ATG5: variants seen among roughly 807,000 people sequenced by gnomAD.
ATG5 encodes the protein autophagy protein 5.
A neutral mutation model predicts 36.5 loss-of-function variants in ATG5; 14 were observed. The observed-to-expected ratio is 0.38, with a 90% CI of 0.25 to 0.60. ATG5 has a LOEUF of 0.60. ATG5 is among the 20% of genes least tolerant of loss of function. The pLI is 0.60. For missense variants in ATG5, 195 were observed against 326.7 expected (o/e 0.60, Z 3.11); for synonymous variants, 95 against 101.5 (o/e 0.94, Z 0.38).
chr6:106,221,371 T>C (rs1777239763), intron 6 of ATG5, among the ~76,000 whole-genome samples: 1 of 152,072 alleles, frequency 6.6e-6, no homozygotes, highest in African/African-American at 2.4e-5. Flanking sequence ...CATCTCACAT[T>C]TAACCTAAAC....
intron 1 of ATG5, among the ~76,000 whole-genome samples, chr6:106,319,379 T>C (rs1770978970): frequency 6.6e-6 from 1 of 152,150 alleles, no homozygotes; most frequent in African/African-American, 2.4e-5. Context: ...TAATATGCAA[T>C]TTAGAGTCAA....
At chr6:106,231,643 C>T (rs975750849) in intron 6 of ATG5, among the ~76,000 whole-genome samples, 3 of 152,210 alleles carry the variant, frequency 2.0e-5, no homozygotes, top group Non-Finnish European at 4.4e-5. Flanking sequence ...GCATACCTCT[C>T]TCTGTCAACT....
intron 5 of ATG5, among the ~76,000 whole-genome samples, chr6:106,275,574 C>A (rs922047658): frequency 6.6e-6 from 1 of 152,046 alleles, no homozygotes; most frequent in Admixed American, 6.5e-5. Flanking sequence ...TTTAATCAAA[C>A]GTCACTTTAA....
chr6:106,246,864 A>AT (rs1778362993), intron 6 of ATG5, among the ~76,000 whole-genome samples: 1 of 152,248 alleles, frequency 6.6e-6, no homozygotes, highest in African/African-American at 2.4e-5. Context: ...AATAATTAAA[A>AT]TAAAATTGAC....
Position 106,279,818 on chromosome 6 carries a change from A to G in ATG5, c.321T>C (p.Phe107=). The part of the protein sequence containing the change: ...PWNITVHFKS[F]PEKDLLHCPS... ...GACAGTGCAGAAGGTCTTTTTCTGG[A>G]AAACTCTATCAAAGGAAAAAATATA... Residue 107 remains phenylalanine (F), a synonymous_variant, in exon 5 of 8, where the codon TTT becomes TTC. Transcript: ENST00000369076. The G allele has an allele frequency of 6.7e-7, 1 of 1,500,018 alleles. No individual in the cohort carries two copies. Among genetic ancestry groups the G allele is most frequent in the Non-Finnish European group, 8.9e-7 (1 of 1,122,042 alleles). The allele number at this position is 1,500,018 out of a possible 1,614,324, so 92.9% of individuals were successfully genotyped here.
intron 7 of ATG5, among the ~76,000 whole-genome samples, chr6:106,192,209 T>C (rs537417927): frequency 6.6e-6 from 1 of 152,110 alleles, no homozygotes; most frequent in South Asian, 2.1e-4. Flanking sequence ...TAATAGACTT[T>C]AGGTAAGGTT....
intron 1 of ATG5, among the ~76,000 whole-genome samples, chr6:106,324,054 G>A (rs1771202913): frequency 6.6e-6 from 1 of 151,992 alleles, no homozygotes; most frequent in African/African-American, 2.4e-5. Context: ...CCCATCTCTT[G>A]GCATTCCCTA....
chr6:106,259,301 C>T (rs1778921315), intron 5 of ATG5, among the ~76,000 whole-genome samples: 1 of 152,028 alleles, frequency 6.6e-6, no homozygotes, highest in African/African-American at 2.4e-5. Context: ...TTTAGGGATA[C>T]GTGATATACA....
rs567759841 is a variant in ATG5, at chr6:106,192,983, G to A, written c.692-6307C>T. Among the ~76,000 whole-genome samples, 8 of 152,304 alleles carry A rather than the reference G, an allele frequency of 5.3e-5. No individual in the cohort carries two copies. The South Asian group carries it at 6.2e-4, about 12-fold the overall frequency. ...CTCAGCCACGGAGGTAATAGTCAGC[G>A]AGGTCAGGTCAAAGAGGGTTAAACC... On this transcript the variant is annotated intron_variant, in intron 7 of 7. Coordinates refer to ENST00000369076, the MANE Select transcript of ATG5 (RefSeq NM_004849.4).
intron 6 of ATG5, among the ~76,000 whole-genome samples, chr6:106,210,821 A>G (rs1776824325): frequency 6.6e-6 from 1 of 152,228 alleles, no homozygotes; most frequent in African/African-American, 2.4e-5. Context: ...CAATTAATTC[A>G]TATAAAGTAT....
rs557195580 is a variant in ATG5 at position 106,323,239 on chromosome 6, G to A, written c.-59+2287C>T. Among the ~76,000 whole-genome samples the A allele has an allele frequency of 4.0e-5, 5 of 125,584 alleles. No individual in the cohort carries two copies. The East Asian group carries it at 8.9e-4, about 22-fold the overall frequency. 82.4% of individuals were successfully genotyped at this position (125,584 alleles called of 152,430 possible). On this transcript the variant is annotated intron_variant, in intron 1 of 7. Coordinates refer to ENST00000369076, the MANE Select transcript of ATG5 (RefSeq NM_004849.4). Reference sequence around the variant, plus strand: ...TCATTATCACTCTGTGGTCTTTTCCGTTTCGCTAAGTGGAAAAGTCCTTTT... The same window carrying A: ...TCATTATCACTCTGTGGTCTTTTCCATTTCGCTAAGTGGAAAAGTCCTTTT...
At chr6:106,264,375 T>A (rs1186820751) in intron 5 of ATG5, among the ~76,000 whole-genome samples, 1 of 152,108 alleles carries the variant, frequency 6.6e-6, no homozygotes, top group East Asian at 1.9e-4. Flanking sequence ...TCGGTGTACC[T>A]GAAAATGATG....
intron 6 of ATG5, among the ~76,000 whole-genome samples, chr6:106,228,095 C>T (rs967352594): frequency 3.9e-5 from 6 of 152,230 alleles, no homozygotes; most frequent in African/African-American, 1.4e-4. Flanking sequence ...AGGAGTTTCA[C>T]CAGTCCATAA....
chr6:106,249,662 AC>A (rs1306644836), intron 5 of ATG5, among the ~76,000 whole-genome samples: 2 of 152,220 alleles, frequency 1.3e-5, no homozygotes, highest in African/African-American at 4.8e-5. Flanking sequence ...ATACATGGTA[AC>A]TGTGTTTTGA....
chr6:106,274,861 C>A (rs191690703), intron 5 of ATG5, among the ~76,000 whole-genome samples: 124 of 152,192 alleles, frequency 8.1e-4, no homozygotes, highest in Non-Finnish European at 1.4e-3. Flanking sequence ...ACTGATAGGC[C>A]AGCAAAATAC....
rs969706998 is a variant in ATG5, at chr6:106,279,928, T to C, written c.316-105A>G. 4 of 759,948 alleles carry C rather than the reference T, an allele frequency of 5.3e-6. No individual in the cohort carries two copies. The South Asian group carries it at 1.5e-4, about 28-fold the overall frequency. 47.1% of individuals were successfully genotyped at this position (759,948 alleles called of 1,614,324 possible). ...CAGTTTTTCAATATTTCTAGTAAAC[T>C]ATCTCTTAGCACTGAAATAACCCAA... On this transcript the variant is annotated intron_variant, in intron 4 of 7. Coordinates refer to ENST00000369076, the MANE Select transcript of ATG5 (RefSeq NM_004849.4).
intron 3 of ATG5, among the ~76,000 whole-genome samples, chr6:106,299,273 A>T (rs957753698): frequency 6.6e-6 from 1 of 152,208 alleles, no homozygotes; most frequent in Non-Finnish European, 1.5e-5. Context: ...ATTACTTATA[A>T]TACCTATTAC....
chr6:106,323,783 G>C (rs1455112916), intron 1 of ATG5, among the ~76,000 whole-genome samples: 1 of 152,174 alleles, frequency 6.6e-6, no homozygotes, highest in East Asian at 1.9e-4. Flanking sequence ...ACACAAGTTA[G>C]ATCAACTCAC....
At chr6:106,210,162 T>G (rs1369847032) in intron 6 of ATG5, among the ~76,000 whole-genome samples, 1 of 151,892 alleles carries the variant, frequency 6.6e-6, no homozygotes. Context: ...CACAAATGAG[T>G]GAGGAAAGGT....
Sources: gnomAD v4.1 joint callset for allele counts (sites outside exome capture counted in the v4.1 genomes callset) on GRCh38, gnomAD v4.1.1 for gene constraint, MANE v1.5 for transcripts, NCBI Gene and HGNC (gene_info 2026-07-23, HGNC 2026-07-21) for gene names.